Variants in IMMP1L observed in about 807,000 individuals in gnomAD.
IMMP1L encodes inner mitochondrial membrane peptidase subunit 1, also known as mitochondrial inner membrane protease subunit 1.
A neutral mutation model predicts 21.8 loss-of-function variants in IMMP1L; 24 were observed. The ratio of observed to expected loss-of-function variants is 1.10; its 90% confidence interval spans 0.80 to 1.55. The LOEUF is 1.55. Among genes scored for constraint, IMMP1L ranks in the 40% most tolerant of loss-of-function variants. IMMP1L has a pLI of 0.00. For synonymous variants in IMMP1L, 46 were observed against 62.8 expected (o/e 0.73, Z 1.26); for missense variants, 195 against 200.7 (o/e 0.97, Z 0.17).
At chr11:31,480,712 G>C (rs535421710) in intron 1 of IMMP1L, among the ~76,000 whole-genome samples, 1 of 151,950 alleles carries the variant, frequency 6.6e-6, no homozygotes, top group African/African-American at 2.4e-5. Flanking sequence ...CAATTATGTA[G>C]GTTTATTCCT....
chr11:31,464,191 T>C lies in IMMP1L; in HGVS notation c.-29-886A>G, dbSNP rs903189492. On this transcript the variant is annotated intron_variant, in intron 1 of 5. Transcript: ENST00000532287. ...ATTTACATATACTATCTCTGTAAGA[T>C]AGATATTATTACCATCCTCAATTTA... Among the ~76,000 whole-genome samples, 10 of 151,878 alleles carry C rather than the reference T, an allele frequency of 6.6e-5. No homozygotes were observed. The East Asian group carries it at 1.2e-3, about 18-fold the overall frequency.
At chr11:31,495,366 A>G (rs1179372540) in intron 1 of IMMP1L, among the ~76,000 whole-genome samples, 1 of 152,104 alleles carries the variant, frequency 6.6e-6, no homozygotes, top group East Asian at 1.9e-4. Context: ...TCCAAAGTCA[A>G]TTCCACATTT....
At chr11:31,476,329 G>A (rs1215846745) in intron 1 of IMMP1L, among the ~76,000 whole-genome samples, 1 of 151,920 alleles carries the variant, frequency 6.6e-6, no homozygotes, top group Non-Finnish European at 1.5e-5. Flanking sequence ...GTAAAAGTTT[G>A]GAAATACAAT....
chr11:31,437,020 C>A, intron 4 of IMMP1L: 1 of 285,950 alleles, frequency 3.5e-6, no homozygotes, highest in Non-Finnish European at 7.3e-6. Flanking sequence ...AGCTTCATCA[C>A]TGATGTTACC....
At chr11:31,434,901 CAT>C (rs913276091) in intron 4 of IMMP1L, among the ~76,000 whole-genome samples, 3 of 152,076 alleles carry the variant, frequency 2.0e-5, no homozygotes, top group Admixed American at 6.6e-5. Context: ...ATAAAATAGA[CAT>C]ATGTGCAGTG....
At chr11:31,433,290 A>G (rs1388769075) in intron 5 of IMMP1L, among the ~76,000 whole-genome samples, 170 bp downstream of exon 5, 1 of 152,176 alleles carries the variant, frequency 6.6e-6, no homozygotes, top group Admixed American at 6.5e-5. Flanking sequence ...AGCAGGGGCA[A>G]TGGGGGAATA....
At chr11:31,495,744 A>G (rs1955410168) in intron 1 of IMMP1L, among the ~76,000 whole-genome samples, 1 of 152,220 alleles carries the variant, frequency 6.6e-6, no homozygotes, top group Middle Eastern at 3.2e-3. Context: ...ATTTTTGACA[A>G]GGGTGCCAAG....
chr11:31,455,626 T>A (rs1303888555), intron 4 of IMMP1L, among the ~76,000 whole-genome samples: 1 of 152,184 alleles, frequency 6.6e-6, no homozygotes, highest in Non-Finnish European at 1.5e-5. Flanking sequence ...TAAGCCAGGA[T>A]CCCAAATCCA....
At chr11:31,496,074 C>CG (rs895808379) in intron 1 of IMMP1L, among the ~76,000 whole-genome samples, 1 of 150,684 alleles carries the variant, frequency 6.6e-6, no homozygotes, top group Non-Finnish European at 1.5e-5. Flanking sequence ...TTAAGGGTCA[C>CG]GGTCCAGAAT....
intron 4 of IMMP1L, among the ~76,000 whole-genome samples, chr11:31,443,875 G>GT (rs1041015779): frequency 1.3e-5 from 2 of 152,172 alleles, no homozygotes; most frequent in African/African-American, 4.8e-5. Context: ...TGGGGTTTGA[G>GT]TAAGGGGTAT....
intron 1 of IMMP1L, among the ~76,000 whole-genome samples, chr11:31,483,538 A>G (rs1015488857): frequency 6.6e-6 from 1 of 151,978 alleles, no homozygotes; most frequent in Admixed American, 6.6e-5. Context: ...TCTTCCCTTG[A>G]TCCCAATCAT....
intron 1 of IMMP1L, among the ~76,000 whole-genome samples, chr11:31,504,132 A>G (rs1273072113): frequency 6.6e-6 from 1 of 152,214 alleles, no homozygotes; most frequent in South Asian, 2.1e-4. Flanking sequence ...CAATGGTTTT[A>G]GGAAAAAAAA....
At chr11:31,501,609 A>G (rs1373852322) in intron 1 of IMMP1L, among the ~76,000 whole-genome samples, 1 of 152,148 alleles carries the variant, frequency 6.6e-6, no homozygotes. Flanking sequence ...GACACTCAGA[A>G]GCAGGAAGAA....
chr11:31,433,154 C>A (rs1952977121), intron 5 of IMMP1L, among the ~76,000 whole-genome samples: 1 of 152,128 alleles, frequency 6.6e-6, no homozygotes, highest in African/African-American at 2.4e-5. Flanking sequence ...TTAAAATATG[C>A]CCTGGGCAGG....
intron 1 of IMMP1L, among the ~76,000 whole-genome samples, chr11:31,481,257 T>C (rs1400109746): frequency 1.3e-5 from 2 of 152,188 alleles, no homozygotes; most frequent in African/African-American, 4.8e-5. Flanking sequence ...CCAATGCTAA[T>C]GTGTTGCTCC....
intron 4 of IMMP1L, among the ~76,000 whole-genome samples, chr11:31,454,745 G>C (rs1320800029): frequency 6.6e-6 from 1 of 152,074 alleles, no homozygotes; most frequent in Admixed American, 6.6e-5. Flanking sequence ...GACTTTATCT[G>C]AATCCTTTTG....
At chr11:31,482,519 TAACAGAAA>T (rs2133757385) in intron 1 of IMMP1L, among the ~76,000 whole-genome samples, 1 of 152,050 alleles carries the variant, frequency 6.6e-6, no homozygotes, top group South Asian at 2.1e-4. Flanking sequence ...AATGACAGGC[TAACAGAAA>T]AGTGGGCCAA....
intron 4 of IMMP1L, among the ~76,000 whole-genome samples, 155 bp downstream of exon 4, chr11:31,456,105 C>T (rs139124428): frequency 1.4e-4 from 21 of 152,228 alleles, no homozygotes; most frequent in African/African-American, 2.4e-4. Flanking sequence ...TGAAATATAA[C>T]GGCTGAATTG....
At chr11:31,446,234 T>C (rs1953514641) in intron 4 of IMMP1L, among the ~76,000 whole-genome samples, 1 of 152,190 alleles carries the variant, frequency 6.6e-6, no homozygotes, top group South Asian at 2.1e-4. Flanking sequence ...TTCCTTAATC[T>C]TTCTGCAATC....
Sources: gnomAD v4.1 joint callset for allele counts (sites outside exome capture counted in the v4.1 genomes callset) on GRCh38, gnomAD v4.1.1 for gene constraint, MANE v1.5 for transcripts, NCBI Gene and HGNC (gene_info 2026-07-23, HGNC 2026-07-21) for gene names.